Variants in PHACTR3 observed in about 807,000 individuals in gnomAD.
PHACTR3 encodes protein phosphatase 1, regulatory subunit 123.
PHACTR3 carries 16 observed loss-of-function variants against 66.8 expected under a neutral mutation model. That is an observed-to-expected ratio of 0.24 (90% CI 0.16 to 0.36). PHACTR3 has a LOEUF of 0.36. Ranked by LOEUF, PHACTR3 falls within the 10% of genes least tolerant of loss-of-function variation. The probability of loss-of-function intolerance (pLI) is 1.00; values close to 1 mark genes in which losing one functional copy is unlikely to be tolerated. For synonymous variants in PHACTR3, 323 were observed against 292.1 expected (o/e 1.11, Z -1.08); for missense variants, 647 against 719.9 (o/e 0.90, Z 1.16).
chr20:59,646,994 T>C (rs1440703444), intron 1 of PHACTR3, among the ~76,000 whole-genome samples: 2 of 152,200 alleles, frequency 1.3e-5, no homozygotes, highest in Non-Finnish European at 2.9e-5. Flanking sequence ...CCTCTGAGGA[T>C]TTTAAACATG....
chr20:59,662,984 G>A (rs1251697519), intron 1 of PHACTR3, among the ~76,000 whole-genome samples: 5 of 152,230 alleles, frequency 3.3e-5, no homozygotes, highest in African/African-American at 1.2e-4. Flanking sequence ...CCAGAGGTCT[G>A]AAGTCAAGGC....
At chr20:59,611,921 G>A (rs2033863470) in intron 1 of PHACTR3, among the ~76,000 whole-genome samples, 1 of 152,196 alleles carries the variant, frequency 6.6e-6, no homozygotes, top group Non-Finnish European at 1.5e-5. Context: ...TGTTTCCTTT[G>A]CAAGTATATC....
intron 1 of PHACTR3, among the ~76,000 whole-genome samples, chr20:59,720,917 A>G (rs1346221171): frequency 6.6e-6 from 1 of 151,596 alleles, no homozygotes; most frequent in Non-Finnish European, 1.5e-5. Context: ...TTCACCCAGG[A>G]TTTCTGTAGT....
intron 1 of PHACTR3, among the ~76,000 whole-genome samples, chr20:59,716,402 G>A (rs2038093296): frequency 6.6e-6 from 1 of 152,008 alleles, no homozygotes; most frequent in Non-Finnish European, 1.5e-5. Context: ...ATAGGTGTGT[G>A]CCACCATACC....
chr20:59,725,336 C>T (rs2038522718), intron 1 of PHACTR3, among the ~76,000 whole-genome samples: 1 of 151,996 alleles, frequency 6.6e-6, no homozygotes, highest in Admixed American at 6.5e-5. Flanking sequence ...GGTGTGAGCC[C>T]AGGTGTGCCG....
At chr20:59,836,210 T>A in intron 8 of PHACTR3, 1 of 387,182 alleles carries the variant, frequency 2.6e-6, no homozygotes. Flanking sequence ...CGGTGAACAG[T>A]CCAGACCAGG....
chr20:59,611,105 C>T (rs1286870447), intron 1 of PHACTR3, among the ~76,000 whole-genome samples: 5 of 152,248 alleles, frequency 3.3e-5, no homozygotes, highest in African/African-American at 1.2e-4. Context: ...AGTCCTGGCT[C>T]AGCCATGGAT....
rs1443750104 is a variant in PHACTR3 at position 59,830,129 on chromosome 20, A to G, written c.1329-6376A>G. Among the ~76,000 whole-genome samples the G allele has an allele frequency of 6.6e-6, 1 of 151,244 alleles. No homozygotes were observed. The highest frequency in any genetic ancestry group is 1.5e-5 in the Non-Finnish European group (1 of 67,986). On this transcript the variant is annotated intron_variant, in intron 8 of 12. Coordinates refer to ENST00000371015, the MANE Select transcript of PHACTR3 (RefSeq NM_080672.5). The surrounding 1 kb of genome is among the most constrained non-coding windows in gnomAD (Gnocchi z 5.8). ...TGGGAGAAGAGGGGGTGTCTGATGA[A>G]AGAGGCTATGACAGACAGGAGCATG...
intron 1 of PHACTR3, among the ~76,000 whole-genome samples, chr20:59,619,024 G>T (rs1408638463): frequency 4.6e-5 from 7 of 152,224 alleles, no homozygotes; most frequent in Admixed American, 2.0e-4. Flanking sequence ...GCACAGTGGA[G>T]CAGGGATGCT....
intron 7 of PHACTR3, among the ~76,000 whole-genome samples, chr20:59,802,486 TC>T (rs1261883667): frequency 1.3e-5 from 2 of 152,198 alleles, no homozygotes; most frequent in Non-Finnish European, 2.9e-5. Context: ...TGTCCATGCT[TC>T]TGTGTGCTTG....
rs375772868 is a variant in PHACTR3, at chr20:59,816,981, C to T, written c.1328+10787C>T. On this transcript the variant is annotated intron_variant, in intron 8 of 12. Transcript: ENST00000371015. ...ACTAAATGGCATCCTATTCACTGTG[C>T]TTGATGTACCCTAATATCTGTCCAT... Among the ~76,000 whole-genome samples, 8 of 152,306 alleles carry T rather than the reference C, an allele frequency of 5.3e-5. No homozygotes were observed. In the South Asian group the frequency reaches 1.0e-3, roughly 20 times the overall value.
intron 7 of PHACTR3, among the ~76,000 whole-genome samples, chr20:59,780,833 C>G (rs1325423304): frequency 6.6e-6 from 1 of 152,160 alleles, no homozygotes; most frequent in Non-Finnish European, 1.5e-5. Flanking sequence ...TCAGTTCTAT[C>G]CCTTGTAAAT....
At chr20:59,843,266 T>C (rs2059096344) in intron 11 of PHACTR3, among the ~76,000 whole-genome samples, 1 of 152,102 alleles carries the variant, frequency 6.6e-6, no homozygotes, top group Non-Finnish European at 1.5e-5. Flanking sequence ...AAAGGACTAA[T>C]ACTGCTAAAA....
chr20:59,675,306 C>T (rs2036418194), intron 1 of PHACTR3, among the ~76,000 whole-genome samples: 1 of 151,884 alleles, frequency 6.6e-6, no homozygotes, highest in Admixed American at 6.6e-5. Context: ...GAAGGGTACC[C>T]CATTGTACAG....
chr20:59,682,504 G>A (rs1355975031), intron 1 of PHACTR3, among the ~76,000 whole-genome samples: 5 of 152,172 alleles, frequency 3.3e-5, no homozygotes, highest in Non-Finnish European at 7.4e-5. Context: ...GACAATGAAC[G>A]GCACCTATAA....
At chr20:59,842,177 G>T (rs1346623897) in intron 11 of PHACTR3, among the ~76,000 whole-genome samples, 1 of 152,176 alleles carries the variant, frequency 6.6e-6, no homozygotes, top group Non-Finnish European at 1.5e-5. Flanking sequence ...CACAGAGAGG[G>T]TCAGTTCTTG....
chr20:59,625,619 C>T (rs796803881), intron 1 of PHACTR3, among the ~76,000 whole-genome samples: 20 of 152,236 alleles, frequency 1.3e-4, no homozygotes, highest in African/African-American at 4.8e-4. Flanking sequence ...TAGGGATTTG[C>T]CCAACTCCCA....
At chr20:59,644,292 T>A (rs866086973) in intron 1 of PHACTR3, among the ~76,000 whole-genome samples, 42 of 152,334 alleles carry the variant, frequency 2.8e-4, no homozygotes, top group African/African-American at 1.0e-3. Context: ...ATAAAATTAT[T>A]TGATTGCATT....
chr20:59,750,432 T>C (rs2039537053), intron 3 of PHACTR3, among the ~76,000 whole-genome samples: 1 of 151,858 alleles, frequency 6.6e-6, no homozygotes, highest in African/African-American at 2.4e-5. Context: ...TGCAGGAAGG[T>C]TGAAAAGCCA....
Sources: gnomAD v4.1 joint callset for allele counts (sites outside exome capture counted in the v4.1 genomes callset) on GRCh38, gnomAD v4.1.1 for gene constraint, Gnocchi (gnomAD v3.1) non-coding constraint, MANE v1.5 for transcripts, NCBI Gene and HGNC (gene_info 2026-07-23, HGNC 2026-07-21) for gene names.